C1GALT1: variants seen among roughly 807,000 people sequenced by gnomAD.
C1GALT1 encodes glycoprotein-N-acetylgalactosamine 3-beta-galactosyltransferase 1.
A neutral mutation model predicts 31.0 loss-of-function variants in C1GALT1; 11 were observed. The observed-to-expected ratio is 0.36, with a 90% confidence interval of 0.22 to 0.59. The LOEUF is 0.59. Among genes scored for constraint, C1GALT1 ranks in the 20% least tolerant of loss-of-function variants. The probability of loss-of-function intolerance (pLI) is 0.79; values close to 1 mark genes in which losing one functional copy is unlikely to be tolerated. For synonymous variants in C1GALT1, 175 were observed against 143.6 expected (o/e 1.22, Z -1.56); for missense variants, 424 against 425.2 (o/e 1.00, Z 0.03).
chr7:7,208,538 T>TA (rs1016699330), intron 1 of C1GALT1, among the ~76,000 whole-genome samples: 9 of 150,376 alleles, frequency 6.0e-5, no homozygotes, highest in East Asian at 1.9e-4. Context: ...GTTTGGCTCC[T>TA]AAAAAAAAAG....
chr7:7,202,315 A>G (rs944443935), intron 1 of C1GALT1, among the ~76,000 whole-genome samples: 1 of 152,046 alleles, frequency 6.6e-6, no homozygotes, highest in Non-Finnish European at 1.5e-5. Context: ...GAGTCTCCAC[A>G]CACTACTCGG....
Position 7,195,583 on chromosome 7 carries a change from G to C in C1GALT1, c.-18+12763G>C, listed in dbSNP as rs551128131. 5.9e-5 allele frequency among the ~76,000 whole-genome samples: 9 copies of C among 152,196 alleles called. No individual in the cohort carries two copies. In the South Asian group the frequency reaches 1.7e-3, roughly 28 times the overall value. On this transcript the variant is annotated intron_variant, in intron 1 of 3. Coordinates refer to ENST00000436587, the MANE Select transcript of C1GALT1 (RefSeq NM_020156.5). Reference sequence around the variant, plus strand: ...TCTTAAATTTGTTGAGACTTGTTTTGTGTCCTGTCGTGGTCTGTTTTGGAG... The same window carrying C: ...TCTTAAATTTGTTGAGACTTGTTTTCTGTCCTGTCGTGGTCTGTTTTGGAG...
chr7:7,216,026 A>G (rs768938201), intron 1 of C1GALT1, among the ~76,000 whole-genome samples: 16 of 151,952 alleles, frequency 1.1e-4, no homozygotes, highest in African/African-American at 2.9e-4. Flanking sequence ...GGCCTGCCCA[A>G]TATGGTGCTA....
At chr7:7,225,278 A>G (rs541858803) in intron 1 of C1GALT1, among the ~76,000 whole-genome samples, 1 of 152,222 alleles carries the variant, frequency 6.6e-6, no homozygotes, top group Non-Finnish European at 1.5e-5. Context: ...GTGCCGCTCT[A>G]TTGTTTCCAA....
rs386709909 is a variant in C1GALT1 at position 7,183,367 on chromosome 7, GCTT to G, written c.-18+548_-18+550del. 3.5e-3 allele frequency among the ~76,000 whole-genome samples: 537 copies of G among 152,328 alleles called. 3 individuals are homozygous for G. Among genetic ancestry groups the G allele is most frequent in the African/African-American group, 0.012 (509 of 41,582 alleles). On this transcript the variant is annotated intron_variant, in intron 1 of 3. Coordinates refer to ENST00000436587, the MANE Select transcript of C1GALT1 (RefSeq NM_020156.5). ...CGGGCTCCTTCCAGAGGTGCCTGGA[GCTT>G]GCTTGGGTCTAGCTTGGATCATCAG... is the stretch of plus-strand genomic sequence containing the variant.
At chr7:7,237,301 G>A (rs1397992340) in intron 2 of C1GALT1, among the ~76,000 whole-genome samples, 2 of 152,136 alleles carry the variant, frequency 1.3e-5, no homozygotes, top group Non-Finnish European at 2.9e-5. Flanking sequence ...TCAAAATGCG[G>A]TCCTGGCCTG....
upstream of C1GALT1, among the ~76,000 whole-genome samples, chr7:7,177,746 C>T (rs1003234148): frequency 6.6e-6 from 1 of 152,160 alleles, no homozygotes; most frequent in Non-Finnish European, 1.5e-5. Context: ...CCATGGTATT[C>T]ATGTAAAATA....
chr7:7,243,059 G>A (rs894482912), intron 3 of C1GALT1, among the ~76,000 whole-genome samples: 20 of 152,102 alleles, frequency 1.3e-4, no homozygotes, highest in African/African-American at 4.8e-4. Flanking sequence ...ATATATAGAT[G>A]AAGTGTATTG....
chr7:7,227,459 G>A (rs1180460260), intron 1 of C1GALT1, among the ~76,000 whole-genome samples: 2 of 152,140 alleles, frequency 1.3e-5, no homozygotes, highest in Admixed American at 6.5e-5. Flanking sequence ...GGTGGCTCAC[G>A]CCTGTAATCC....
intron 1 of C1GALT1, among the ~76,000 whole-genome samples, chr7:7,231,491 C>G (rs918459557): frequency 2.6e-5 from 4 of 151,984 alleles, no homozygotes; most frequent in African/African-American, 9.7e-5. Context: ...TTGCTCAATT[C>G]TTTTTCAATC....
intron 1 of C1GALT1, among the ~76,000 whole-genome samples, chr7:7,183,089 G>C (rs1780656005): frequency 1.3e-5 from 2 of 152,218 alleles, no homozygotes; most frequent in East Asian, 1.9e-4. Context: ...CCTCCTCTTC[G>C]TCGTGGGTCC....
chr7:7,240,355 C>T (rs1233717055), intron 3 of C1GALT1, among the ~76,000 whole-genome samples: 3 of 152,176 alleles, frequency 2.0e-5, no homozygotes, highest in Non-Finnish European at 1.5e-5. Flanking sequence ...TGGCCTAGAA[C>T]ATCTGACCCA....
Position 7,245,805 on chromosome 7 carries a change from C to T in C1GALT1, c.*2078C>T, listed in dbSNP as rs1440629849. 1 of 152,172 alleles carries T rather than the reference C, an allele frequency of 6.6e-6. No homozygotes were observed. Among genetic ancestry groups the T allele is most frequent in the African/African-American group, 2.4e-5 (1 of 41,442 alleles). 9.4% of individuals were successfully genotyped at this position (152,172 alleles called of 1,614,324 possible). Reference sequence around the variant, plus strand: ...TGAATATTGTGATGAATCCTGGGCTCTAGAGTCAGACTTGCTTGGGTTTAA... The same window carrying T: ...TGAATATTGTGATGAATCCTGGGCTTTAGAGTCAGACTTGCTTGGGTTTAA... On this transcript the variant is annotated 3_prime_UTR_variant, in exon 4 of 4. Coordinates refer to ENST00000436587, the MANE Select transcript of C1GALT1 (RefSeq NM_020156.5).
Position 7,205,761 on chromosome 7 carries a change from C to G in C1GALT1, c.-18+22941C>G, listed in dbSNP as rs1031401406. On this transcript the variant is annotated intron_variant, in intron 1 of 3. Transcript: ENST00000436587. ...CTTTGTTCTTGTATGAATGGAATAT[C>G]TTTTTTTCATGCCTTCACTTTCACC... 3.9e-5 allele frequency among the ~76,000 whole-genome samples: 6 copies of G among 152,070 alleles called. No individual in the cohort carries two copies. The East Asian group carries it at 1.2e-3, about 29-fold the overall frequency.
chr7:7,206,956 C>T (rs1488246176), intron 1 of C1GALT1, among the ~76,000 whole-genome samples: 1 of 152,068 alleles, frequency 6.6e-6, no homozygotes, highest in East Asian at 1.9e-4. Flanking sequence ...AGTCATTCTA[C>T]TTGGAGTCTT....
rs886783281 is a variant in C1GALT1 at position 7,247,138 on chromosome 7, A to T, written c.*3411A>T. 4 of 152,156 alleles carry T rather than the reference A, an allele frequency of 2.6e-5. No individual in the cohort carries two copies. The highest frequency in any genetic ancestry group is 9.7e-5 in the African/African-American group (4 of 41,434). The allele number at this position is 152,156 out of a possible 1,614,324, so 9.4% of individuals were successfully genotyped here. ...TAGTAAATGCTGTTTTATAACATAC[A>T]TTTTTCTGCTAATTCATTCTGTTTT... On this transcript the variant is annotated 3_prime_UTR_variant, in exon 4 of 4. Coordinates refer to ENST00000436587, the MANE Select transcript of C1GALT1 (RefSeq NM_020156.5).
chr7:7,178,887 G>C (rs1780537357), upstream of C1GALT1, among the ~76,000 whole-genome samples: 1 of 152,120 alleles, frequency 6.6e-6, no homozygotes, highest in Non-Finnish European at 1.5e-5. Flanking sequence ...TAAACATTTA[G>C]TATCTCACTG....
chr7:7,184,266 C>T (rs985202548), intron 1 of C1GALT1, among the ~76,000 whole-genome samples: 1 of 152,178 alleles, frequency 6.6e-6, no homozygotes, highest in Non-Finnish European at 1.5e-5. Flanking sequence ...AAGTATGACT[C>T]ATTTAAAATT....
rs779294961 is a variant in C1GALT1, at chr7:7,238,878, A to G, written c.844A>G (p.Arg282Gly). 1.9e-6 allele frequency: 3 copies of G among 1,613,576 alleles called. No homozygotes were observed. The highest frequency in any genetic ancestry group is 1.7e-5 in the Admixed American group (1 of 59,950). ...EHHLIKGYLP[R>G]TFWYWNYNYY... is the part of the protein sequence containing the mutation. ...CCATTTAATTAAAGGTTATCTACCT[A>G]GAACGTTTTGGTACTGGAATTACAA... The change falls in exon 3 of 4, where the codon AGA becomes GGA. Residue 282 changes from arginine to glycine, a missense_variant. Arg to Gly is a moderately radical substitution (Grantham distance 125). This residue lies in a region of C1GALT1 where 191 missense variants were observed against 188.8 expected (regional missense o/e 1.01). Transcript: ENST00000436587. The surrounding 1 kb of genome is among the most constrained non-coding windows in gnomAD (Gnocchi z 5.2).
Sources: gnomAD v4.1 joint callset for allele counts (sites outside exome capture counted in the v4.1 genomes callset) on GRCh38, gnomAD v4.1.1 for gene constraint, gnomAD v4.1.1 regional missense constraint, Gnocchi (gnomAD v3.1) non-coding constraint, MANE v1.5 for transcripts, NCBI Gene and HGNC (gene_info 2026-07-23, HGNC 2026-07-21) for gene names.